The following NSUN6 variants were observed in gnomAD, a reference collection of about 807,000 sequenced individuals.
The protein encoded by NSUN6 is NOP2/Sun RNA methyltransferase 6.
In NSUN6, 64 loss-of-function variants were observed where a neutral mutation model predicts 58.0. That is an observed-to-expected ratio of 1.10 (90% CI 0.90 to 1.36). NSUN6 has a LOEUF of 1.36. Among genes scored for constraint, NSUN6 ranks in the 40% most tolerant of loss-of-function variants. The pLI is 0.00. For synonymous variants in NSUN6, 231 were observed against 193.9 expected (o/e 1.19, Z -1.59); for missense variants, 701 against 550.1 (o/e 1.27, Z -2.74).
At chr10:18,552,049 T>C in intron 8 of NSUN6, 78 bp from the exon 9 acceptor site, 1 of 796,438 alleles carries the variant, frequency 1.3e-6, no homozygotes, top group Admixed American at 2.7e-5. Flanking sequence ...GAGCAGGAAT[T>C]TAAAATCATA....
chr10:18,549,294 C>T (rs546276078), intron 9 of NSUN6, among the ~76,000 whole-genome samples: 3 of 152,294 alleles, frequency 2.0e-5, no homozygotes, highest in African/African-American at 4.8e-5. Context: ...GCAACACTGG[C>T]CTCCTGCTGT....
chr10:18,640,925 T>C lies in NSUN6; in HGVS notation c.311+1551A>G, dbSNP rs115545840. Among the ~76,000 whole-genome samples, 1,342 of 151,836 alleles carry C rather than the reference T, an allele frequency of 8.8e-3. 20 individuals are homozygous for C. The highest frequency in any genetic ancestry group is 0.031 in the African/African-American group (1,272 of 41,416). ...TTTATTTCCCCCCTCTCTCCCAATC[T>C]AATTTCCTCAGAGTTAACCACTATT... On this transcript the variant is annotated intron_variant, in intron 3 of 10. Transcript: ENST00000377304.
At chr10:18,594,946 T>C (rs912006838) in intron 7 of NSUN6, among the ~76,000 whole-genome samples, 4 of 152,120 alleles carry the variant, frequency 2.6e-5, no homozygotes, top group Non-Finnish European at 4.4e-5. Context: ...ACTTGAACAG[T>C]TGGACTTGCT....
intron 8 of NSUN6, among the ~76,000 whole-genome samples, chr10:18,582,243 G>T (rs189070428): frequency 7.2e-4 from 110 of 152,282 alleles, no homozygotes; most frequent in Non-Finnish European, 1.3e-3. Flanking sequence ...TATTATTTTA[G>T]AAAGACAGTT....
intron 3 of NSUN6, among the ~76,000 whole-genome samples, chr10:18,621,078 A>T (rs1220226925): frequency 6.6e-6 from 1 of 152,244 alleles, no homozygotes; most frequent in Non-Finnish European, 1.5e-5. Flanking sequence ...TTAACTGCTA[A>T]GAGTGGCTCA....
At chr10:18,600,656 A>C (rs1346262215) in intron 6 of NSUN6, among the ~76,000 whole-genome samples, 1 of 151,230 alleles carries the variant, frequency 6.6e-6, no homozygotes, top group Non-Finnish European at 1.5e-5. Flanking sequence ...TGGCCGGTGC[A>C]GTGGCTCATG....
intron 3 of NSUN6, among the ~76,000 whole-genome samples, chr10:18,624,647 C>CAAAAAA (rs10671283): frequency 0.12 from 9,268 of 76,664 alleles, 1,331 homozygotes; most frequent in Middle Eastern, 0.21. Context: ...GACTCTGTCT[C>CAAAAAA]AAAAAAAAAA....
intron 2 of NSUN6, among the ~76,000 whole-genome samples, 177 bp downstream of exon 2, chr10:18,648,313 A>G (rs1232008101): frequency 1.3e-5 from 2 of 152,224 alleles, no homozygotes; most frequent in Middle Eastern, 6.3e-3. Context: ...CAGAAGTACT[A>G]GGTTCAAGTT....
intron 7 of NSUN6, among the ~76,000 whole-genome samples, chr10:18,589,761 C>G (rs1453203497): frequency 6.6e-6 from 1 of 151,814 alleles, no homozygotes. Context: ...AAAGGAAGCA[C>G]TAAATATGGA....
At chr10:18,567,027 C>T (rs1228581008) in intron 8 of NSUN6, among the ~76,000 whole-genome samples, 8 of 151,330 alleles carry the variant, frequency 5.3e-5, no homozygotes, top group African/African-American at 1.9e-4. Context: ...ATTCCATTCT[C>T]CATTCCATTC....
intron 4 of NSUN6, 112 bp downstream of exon 4, chr10:18,616,072 C>G: frequency 1.5e-6 from 1 of 645,162 alleles, no homozygotes; most frequent in Admixed American, 2.8e-5. Flanking sequence ...GGAAAAATAC[C>G]CGACCAAGAA....
At chr10:18,599,874 T>G (rs2057737255) in intron 6 of NSUN6, among the ~76,000 whole-genome samples, 1 of 152,198 alleles carries the variant, frequency 6.6e-6, no homozygotes. Flanking sequence ...AACCCTTTAT[T>G]AGACAATTAG....
chr10:18,577,613 G>A (rs1321215648), intron 8 of NSUN6, among the ~76,000 whole-genome samples: 1 of 152,196 alleles, frequency 6.6e-6, no homozygotes, highest in Non-Finnish European at 1.5e-5. Flanking sequence ...GAAGTTTGAA[G>A]AGAAAGAGCT....
chr10:18,616,032 C>A, intron 4 of NSUN6, 152 bp downstream of exon 4: 1 of 569,930 alleles, frequency 1.8e-6, no homozygotes, highest in Admixed American at 3.2e-5. Context: ...TTTGTTAGTC[C>A]TTACTGGATA....
At chr10:18,607,267 T>C (rs182199574) in intron 6 of NSUN6, among the ~76,000 whole-genome samples, 7 of 152,382 alleles carry the variant, frequency 4.6e-5, no homozygotes, top group Non-Finnish European at 1.5e-5. Flanking sequence ...CTATTATATG[T>C]AAATGTGAAA....
rs1212577629 is a variant in NSUN6 at position 18,642,571 on chromosome 10, A to C, written c.232-16T>G. The stretch of plus-strand genomic sequence containing the variant: ...CATTAAACTGCTGTTAAAGATAAAC[A>C]TGATTATAAAGTAATCCATACATTT... On this transcript the variant is annotated splice_polypyrimidine_tract_variant and intron_variant, in intron 2 of 10. Coordinates refer to ENST00000377304, the MANE Select transcript of NSUN6 (RefSeq NM_182543.5). 7.9e-7 allele frequency: 1 copy of C among 1,259,062 alleles called. No individual in the cohort carries two copies. Among genetic ancestry groups the C allele is most frequent in the South Asian group, 1.2e-5 (1 of 81,830 alleles). The allele number at this position is 1,259,062 out of a possible 1,614,324, so 78.0% of individuals were successfully genotyped here.
chr10:18,576,625 T>A (rs1196945692), intron 8 of NSUN6, among the ~76,000 whole-genome samples: 1 of 152,230 alleles, frequency 6.6e-6, no homozygotes, highest in Admixed American at 6.5e-5. Flanking sequence ...CCGAGGGCCA[T>A]CCAGCTTCCA....
At chr10:18,577,157 C>T (rs956070146) in intron 8 of NSUN6, among the ~76,000 whole-genome samples, 7 of 152,128 alleles carry the variant, frequency 4.6e-5, no homozygotes, top group African/African-American at 1.7e-4. Context: ...GGGCTACTAG[C>T]CAGATAGCTT....
chr10:18,575,923 C>G (rs1480219415), intron 8 of NSUN6, among the ~76,000 whole-genome samples: 2 of 152,076 alleles, frequency 1.3e-5, no homozygotes, highest in Non-Finnish European at 2.9e-5. Flanking sequence ...CCGGGTGCAT[C>G]AAGATCAGCC....
Sources: gnomAD v4.1 joint callset for allele counts (sites outside exome capture counted in the v4.1 genomes callset) on GRCh38, gnomAD v4.1.1 for gene constraint, MANE v1.5 for transcripts, NCBI Gene and HGNC (gene_info 2026-07-23, HGNC 2026-07-21) for gene names.